Variants in DPYSL3 observed in about 807,000 individuals in gnomAD.
DPYSL3 encodes the protein dihydropyrimidinase like 3.
In DPYSL3, 16 loss-of-function variants were observed where a neutral mutation model predicts 66.1. The ratio of observed to expected loss-of-function variants is 0.24; its 90% CI spans 0.16 to 0.37. DPYSL3 has a LOEUF of 0.37. DPYSL3 is among the 10% of genes least tolerant of loss of function. DPYSL3 has a pLI of 1.00. For missense variants in DPYSL3, 738 were observed against 916.2 expected (o/e 0.81, Z 2.51); for synonymous variants, 338 against 345.1 (o/e 0.98, Z 0.23).
chr5:147,481,537 G>A (rs73794772), intron 1 of DPYSL3, among the ~76,000 whole-genome samples: 2,889 of 152,274 alleles, frequency 0.019, 93 homozygotes, highest in African/African-American at 0.066. Flanking sequence ...AAGTCTCACA[G>A]GGATGATGCA....
chr5:147,405,752 A>T, intron 7 of DPYSL3, 22 bp from the exon 8 acceptor site: 1 of 1,601,528 alleles, frequency 6.2e-7, no homozygotes, highest in Non-Finnish European at 8.5e-7. Flanking sequence ...AGTCTCCAGG[A>T]GTCAATAGAA....
intron 1 of DPYSL3, among the ~76,000 whole-genome samples, chr5:147,442,991 AGCC>A (rs1752562564): frequency 6.6e-6 from 1 of 152,334 alleles, no homozygotes; most frequent in African/African-American, 2.4e-5. Context: ...ATGGAAAAAA[AGCC>A]TTAGTTAATT....
At chr5:147,454,622 CCAGACACGTTCCTGGTGCG>C (rs1752812418) in intron 1 of DPYSL3, among the ~76,000 whole-genome samples, 1 of 152,150 alleles carries the variant, frequency 6.6e-6, no homozygotes. Flanking sequence ...AGGCAGTAGC[CCAGACACGTTCCTGGTGCG>C]CAGCCATGGA....
chr5:147,404,186 A>G (rs1413029477), intron 8 of DPYSL3, among the ~76,000 whole-genome samples: 2 of 152,206 alleles, frequency 1.3e-5, no homozygotes, highest in African/African-American at 4.8e-5. Flanking sequence ...TTCTCGCCCA[A>G]TGACTCATAC....
chr5:147,418,647 A>G lies in DPYSL3; in HGVS notation c.471-16T>C. ...TCCAATTTGTCTGGTGAAACAAACA[A>G]ACAAAAAAATGATCAAACACTTGGT... On this transcript the variant is annotated splice_polypyrimidine_tract_variant and intron_variant, in intron 2 of 13. Coordinates refer to ENST00000343218, the MANE Select transcript of DPYSL3 (RefSeq NM_001197294.2). 1 of 1,561,800 alleles carries G rather than the reference A, an allele frequency of 6.4e-7. No homozygotes were observed. The highest frequency in any genetic ancestry group is 8.7e-7 in the Non-Finnish European group (1 of 1,149,574).
At chr5:147,472,176 C>T (rs971659610) in intron 1 of DPYSL3, among the ~76,000 whole-genome samples, 1 of 152,206 alleles carries the variant, frequency 6.6e-6, no homozygotes, top group Non-Finnish European at 1.5e-5. Context: ...TACACACTGC[C>T]TCACTTCATC....
In DPYSL3 at chr5:147,482,190, A is replaced by G. The variant is rs575219270; in HGVS notation, c.381+27288T>C. ...AACCCATGGTTCCCTGCCTCTCCCA[A>G]TGTAATTTACCAAGGACTTAGTAAT... On this transcript the variant is annotated intron_variant, in intron 1 of 13. Transcript: ENST00000343218. Among the ~76,000 whole-genome samples, 203 of 152,306 alleles carry G rather than the reference A, an allele frequency of 1.3e-3. 1 individual carries two copies. Among genetic ancestry groups the G allele is most frequent in the South Asian group, 2.9e-3 (14 of 4,834 alleles).
intron 6 of DPYSL3, 68 bp downstream of exon 6, chr5:147,412,540 A>G: frequency 6.8e-7 from 1 of 1,468,318 alleles, no homozygotes; most frequent in African/African-American, 1.4e-5. Context: ...CTCAAGCAGC[A>G]CTGAAGAAAT....
chr5:147,488,547 T>C (rs1039065433), intron 1 of DPYSL3, among the ~76,000 whole-genome samples: 4 of 150,714 alleles, frequency 2.7e-5, no homozygotes, highest in African/African-American at 9.8e-5. Flanking sequence ...GGAAACCCCA[T>C]CTCTACAAAA....
intron 1 of DPYSL3, among the ~76,000 whole-genome samples, chr5:147,481,952 A>T (rs369351437): frequency 6.6e-6 from 1 of 152,244 alleles, no homozygotes; most frequent in African/African-American, 2.4e-5. Flanking sequence ...CTGCACATAC[A>T]GTGGGTTGTG....
At chr5:147,421,902 A>G (rs541218282) in intron 2 of DPYSL3, among the ~76,000 whole-genome samples, 1 of 152,382 alleles carries the variant, frequency 6.6e-6, no homozygotes, top group South Asian at 2.1e-4. Context: ...AAACCATAAA[A>G]ACCCTAGAAG....
At chr5:147,410,343 A>G (rs1648205483) in intron 6 of DPYSL3, among the ~76,000 whole-genome samples, 2 of 152,186 alleles carry the variant, frequency 1.3e-5, no homozygotes, top group Admixed American at 1.3e-4. Context: ...CTAATTCCAG[A>G]ATACCTGGAA....
intron 1 of DPYSL3, chr5:147,454,028 C>T (rs1487206626): frequency 2.6e-5 from 4 of 155,186 alleles, no homozygotes; most frequent in African/African-American, 9.7e-5. Context: ...AGTCAGGCTG[C>T]TCCACAGCCA....
At chr5:147,464,667 G>A (rs1312143450) in intron 1 of DPYSL3, among the ~76,000 whole-genome samples, 2 of 152,132 alleles carry the variant, frequency 1.3e-5, no homozygotes, top group Non-Finnish European at 2.9e-5. Context: ...TAATGTACTT[G>A]AGCCTGAGAA....
intron 1 of DPYSL3, among the ~76,000 whole-genome samples, chr5:147,501,384 G>A (rs1019807944): frequency 5.3e-5 from 8 of 151,616 alleles, no homozygotes; most frequent in African/African-American, 1.5e-4. Context: ...ATATTACAAT[G>A]GTAGATACTT....
rs543812626 is a variant in DPYSL3, at chr5:147,443,745, A to G, written c.382-18782T>C. ...TGGGGCATGCAGTGTGGAGTATGAA[A>G]TGAGAAGGTGGCATTTAAATTCACG... On this transcript the variant is annotated intron_variant, in intron 1 of 13. Transcript: ENST00000343218. Among the ~76,000 whole-genome samples the G allele has an allele frequency of 3.3e-5, 5 of 152,302 alleles. No individual in the cohort carries two copies. The South Asian group carries it at 1.0e-3, about 32-fold the overall frequency.
intron 1 of DPYSL3, among the ~76,000 whole-genome samples, chr5:147,438,100 T>C (rs535357243): frequency 6.6e-6 from 1 of 152,342 alleles, no homozygotes; most frequent in Admixed American, 6.5e-5. Context: ...GAGTTCGCTC[T>C]TTTTTTCTGG....
chr5:147,400,918 G>T, intron 9 of DPYSL3, 85 bp from the exon 10 acceptor site: 3 of 1,512,162 alleles, frequency 2.0e-6, no homozygotes, highest in Non-Finnish European at 8.9e-7. Context: ...TACTGTGAGG[G>T]TTTGCACTCT....
In DPYSL3 at chr5:147,509,683, T is replaced by C. The variant is rs1270363482; in HGVS notation, c.176A>G (p.Gln59Arg). ...GCTCCGAGGAGTCTTCGCGCCCCGC[T>C]GCCCCACGCTGAGGGCATCGAAATC... is the stretch of plus-strand genomic sequence containing the variant. ...TLDFDALSVG[Q>R]RGAKTPRSGQ... The change falls in exon 1 of 14, where the codon CAG becomes CGG. Residue 59 changes from glutamine to arginine, a missense_variant. Physicochemically the swap from Gln to Arg is conservative, Grantham distance 43. Transcript: ENST00000343218. This position sits in a 1 kb window ranked among gnomAD's most constrained non-coding sequence, Gnocchi z 5.3. 2 of 1,535,868 alleles carry C rather than the reference T, an allele frequency of 1.3e-6. No individual in the cohort carries two copies. The highest frequency in any genetic ancestry group is 1.7e-6 in the Non-Finnish European group (2 of 1,146,746).
Sources: allele counts gnomAD v4.1 joint callset (sites outside exome capture counted in the v4.1 genomes callset), GRCh38; gene constraint gnomAD v4.1.1; non-coding constraint Gnocchi (gnomAD v3.1); transcripts MANE v1.5; gene names NCBI Gene and HGNC (gene_info 2026-07-23, HGNC 2026-07-21).